Variants in CACNA2D1 observed in about 807,000 individuals in gnomAD.
CACNA2D1 encodes calcium voltage-gated channel auxiliary subunit alpha2delta 1, also known as voltage-dependent calcium channel subunit alpha-2/delta-1.
Under a neutral mutation model 171.5 loss-of-function variants are expected in CACNA2D1, and 53 were observed. The ratio of observed to expected loss-of-function variants is 0.31; its 90% CI spans 0.25 to 0.39. The LOEUF (loss-of-function observed/expected upper bound fraction) is 0.39. Ranked by LOEUF, CACNA2D1 falls within the 10% of genes least tolerant of loss-of-function variation. The probability of loss-of-function intolerance (pLI) is 1.00; values close to 1 mark genes in which losing one functional copy is unlikely to be tolerated. For missense variants in CACNA2D1, 903 were observed against 1,299.8 expected, an observed-to-expected ratio of 0.69 and a Z score of 4.69; for synonymous variants, 442 against 443.1, an observed-to-expected ratio of 1.00 and a Z score of 0.03.
At position 82,060,442 on chromosome 7, in the gene CACNA2D1, C is replaced by G; in HGVS notation, c.865G>C (p.Val289Leu). ...MLETLSDDDF[V>L]NVASFNSNAQ... Reference sequence around the variant, plus strand: ...CTTATACTTACTGAAGCTACATTCACGAAATCATCATCTGAGAGGGTTTCT... The same window carrying G: ...CTTATACTTACTGAAGCTACATTCAGGAAATCATCATCTGAGAGGGTTTCT... The change falls in exon 10 of 39, where the codon GTG becomes CTG. Residue 289 changes from valine to leucine, a missense_variant. Physicochemically the swap from Val to Leu is conservative, Grantham distance 32. Transcript: ENST00000356860. 1 of 1,606,110 alleles carries G rather than the reference C, an allele frequency of 6.2e-7. No individual in the cohort carries two copies. Among genetic ancestry groups the G allele is most frequent in the Non-Finnish European group, 8.5e-7 (1 of 1,175,666 alleles).
chr7:82,396,107 A>G (rs1244935034), intron 1 of CACNA2D1, among the ~76,000 whole-genome samples: 2 of 152,326 alleles, frequency 1.3e-5, no homozygotes, highest in South Asian at 2.1e-4. Flanking sequence ...TCGCCCTTAA[A>G]CCAACCTCAA....
At chr7:82,241,162 T>A (rs1804230362) in intron 3 of CACNA2D1, among the ~76,000 whole-genome samples, 1 of 152,178 alleles carries the variant, frequency 6.6e-6, no homozygotes, top group Admixed American at 6.5e-5. Flanking sequence ...ATATAACTCA[T>A]GTGTATTAAA....
rs144794118 is a variant in CACNA2D1, at chr7:82,330,792, T to C, written c.294+4343A>G. Among the ~76,000 whole-genome samples the C allele has an allele frequency of 7.7e-3, 1,170 of 152,262 alleles. 8 individuals carry two copies. Among genetic ancestry groups the C allele is most frequent in the Non-Finnish European group, 0.012 (789 of 67,972 alleles). On this transcript the variant is annotated intron_variant, in intron 3 of 38. Coordinates refer to ENST00000356860, the MANE Select transcript of CACNA2D1 (RefSeq NM_000722.4). The stretch of plus-strand genomic sequence containing the variant: ...CTACTTAGCTTCATTTCTTCCTTTG[T>C]ATAATTATACACTTCTTTAGGTCAA...
chr7:82,390,293 C>T (rs1204987890), intron 1 of CACNA2D1, among the ~76,000 whole-genome samples: 1 of 152,116 alleles, frequency 6.6e-6, no homozygotes, highest in East Asian at 1.9e-4. Context: ...AGAAAAACCT[C>T]TGACGTGATC....
chr7:82,420,013 G>GC (rs1251756320), intron 1 of CACNA2D1, among the ~76,000 whole-genome samples: 1 of 152,062 alleles, frequency 6.6e-6, no homozygotes, highest in Non-Finnish European at 1.5e-5. Flanking sequence ...ACAGGACAGC[G>GC]CCCCCCGCCC....
At chr7:82,040,583 A>C (rs1000810160) in intron 10 of CACNA2D1, among the ~76,000 whole-genome samples, 1 of 152,092 alleles carries the variant, frequency 6.6e-6, no homozygotes, top group African/African-American at 2.4e-5. Context: ...GTTTCCATGG[A>C]AACAGGAGAG....
chr7:82,413,718 G>A (rs1435788474), intron 1 of CACNA2D1, among the ~76,000 whole-genome samples: 2 of 152,124 alleles, frequency 1.3e-5, no homozygotes, highest in Non-Finnish European at 2.9e-5. Context: ...TTGTTAAAAT[G>A]AGCCTATAAG....
intron 3 of CACNA2D1, among the ~76,000 whole-genome samples, chr7:82,332,630 C>G (rs1034431825): frequency 6.6e-6 from 1 of 151,912 alleles, no homozygotes; most frequent in Non-Finnish European, 1.5e-5. Context: ...AAAACCTGAA[C>G]AATGAGTATT....
intron 3 of CACNA2D1, among the ~76,000 whole-genome samples, chr7:82,240,690 C>T (rs1412257444): frequency 7.9e-5 from 12 of 152,232 alleles, no homozygotes; most frequent in African/African-American, 2.2e-4. Flanking sequence ...AGGCCAGGCA[C>T]GGTGGCTCAT....
At chr7:82,047,602 TACATTTTTTGTTCAGC>T (rs1804701339) in intron 10 of CACNA2D1, among the ~76,000 whole-genome samples, 3 of 152,260 alleles carry the variant, frequency 2.0e-5, no homozygotes, top group African/African-American at 7.2e-5. Context: ...ATCCATCTAG[TACATTTTTTGTTCAGC>T]ACTGTTCTGA....
At chr7:82,005,579 T>G in intron 17 of CACNA2D1, 82 bp from the exon 18 acceptor site, 1 of 931,194 alleles carries the variant, frequency 1.1e-6, no homozygotes, top group Non-Finnish European at 1.7e-6. Context: ...CATAATGTAT[T>G]AAATACACAT....
At chr7:82,334,868 T>C (rs939560590) in intron 3 of CACNA2D1, among the ~76,000 whole-genome samples, 4 of 151,946 alleles carry the variant, frequency 2.6e-5, no homozygotes, top group African/African-American at 9.7e-5. Context: ...AATTTATTAT[T>C]ATGTATCATG....
intron 3 of CACNA2D1, among the ~76,000 whole-genome samples, chr7:82,302,994 T>A (rs1460251759): frequency 6.6e-6 from 1 of 152,000 alleles, no homozygotes; most frequent in Non-Finnish European, 1.5e-5. Context: ...TTTCTGTTTT[T>A]TTGTTTGTTT....
chr7:82,005,248 T>A (rs970870554), intron 18 of CACNA2D1, 175 bp downstream of exon 18: 1 of 556,066 alleles, frequency 1.8e-6, no homozygotes, highest in Admixed American at 3.3e-5. Context: ...AAAACTGCTT[T>A]CACACTTTCA....
chr7:82,141,656 T>G (rs1466618991), intron 4 of CACNA2D1, among the ~76,000 whole-genome samples: 1 of 152,230 alleles, frequency 6.6e-6, no homozygotes, highest in East Asian at 1.9e-4. Context: ...AACTCGTCTG[T>G]GGCAAGGATC....
chr7:81,989,519 T>G (rs1158552166), intron 21 of CACNA2D1, among the ~76,000 whole-genome samples: 1 of 152,170 alleles, frequency 6.6e-6, no homozygotes, highest in Non-Finnish European at 1.5e-5. Flanking sequence ...GCGAAAATGA[T>G]GAGACAGTAT....
chr7:82,116,431 C>T (rs913890286), intron 6 of CACNA2D1, among the ~76,000 whole-genome samples: 2 of 152,206 alleles, frequency 1.3e-5, no homozygotes, highest in African/African-American at 2.4e-5. Flanking sequence ...CACAGGGAAG[C>T]CTTCTCCAAC....
At chr7:82,096,452 C>T (rs191464315) in intron 6 of CACNA2D1, among the ~76,000 whole-genome samples, 1 of 151,984 alleles carries the variant, frequency 6.6e-6, no homozygotes, top group East Asian at 1.9e-4. Context: ...CTGGAGATGC[C>T]ATAGAGATTG....
At chr7:82,421,727 T>A (rs1370638063) in intron 1 of CACNA2D1, among the ~76,000 whole-genome samples, 1 of 152,192 alleles carries the variant, frequency 6.6e-6, no homozygotes, top group Non-Finnish European at 1.5e-5. Flanking sequence ...CATACAGGGC[T>A]TGCTCAGAAC....
Sources: gnomAD v4.1 joint callset for allele counts (sites outside exome capture counted in the v4.1 genomes callset) on GRCh38, gnomAD v4.1.1 for gene constraint, MANE v1.5 for transcripts, NCBI Gene and HGNC (gene_info 2026-07-23, HGNC 2026-07-21) for gene names.